Variants in OSBP2 observed in about 807,000 individuals in gnomAD.
OSBP2 encodes the protein oxysterol-binding protein 2.
Under a neutral mutation model 96.0 loss-of-function variants are expected in OSBP2, and 66 were observed. That is an observed-to-expected ratio of 0.69 (90% CI 0.56 to 0.84). The LOEUF (loss-of-function observed/expected upper bound fraction) is 0.84, where lower values mean the gene tolerates loss of function less well. Among genes scored for constraint, OSBP2 ranks in the 40% least tolerant of loss-of-function variants. The pLI is 0.00. For missense variants in OSBP2, 1,038 were observed against 1,222.7 expected, an observed-to-expected ratio of 0.85 and a Z score of 2.25; for synonymous variants, 525 against 520.9, an observed-to-expected ratio of 1.01 and a Z score of -0.11.
At chr22:30,846,393 C>T (rs1460848351) in intron 2 of OSBP2, among the ~76,000 whole-genome samples, 1 of 152,120 alleles carries the variant, frequency 6.6e-6, no homozygotes, top group Admixed American at 6.5e-5. Flanking sequence ...TCAAGTGATC[C>T]ACCCGCCTTG....
chr22:30,801,326 TTTTG>T (rs2090848433), intron 2 of OSBP2, among the ~76,000 whole-genome samples: 1 of 152,078 alleles, frequency 6.6e-6, no homozygotes, highest in South Asian at 2.1e-4. Context: ...GAGGTAGTGG[TTTTG>T]TTTATTTTTT....
intron 2 of OSBP2, among the ~76,000 whole-genome samples, chr22:30,743,832 G>A (rs2089969315): frequency 1.3e-5 from 2 of 152,162 alleles, no homozygotes; most frequent in South Asian, 2.1e-4. Flanking sequence ...GGCAGGGTGC[G>A]GAGGTGAGGG....
intron 2 of OSBP2, among the ~76,000 whole-genome samples, chr22:30,799,112 C>A (rs947989737): frequency 7.4e-6 from 1 of 135,410 alleles, no homozygotes; most frequent in African/African-American, 2.8e-5. Flanking sequence ...TTCCTTCCTT[C>A]CTTTCTTTCT....
Position 30,694,877 on chromosome 22 carries a change from G to T in OSBP2, c.-33G>T. ...CCCCGGCCTGCCCCCCGCCCCCACT[G>T]GCCGCTCGGCCGCGCGCGGGTCGGC... On this transcript the variant is annotated 5_prime_UTR_variant, in exon 1 of 14. Coordinates refer to ENST00000332585, the MANE Select transcript of OSBP2 (RefSeq NM_030758.4). 1 of 1,095,328 alleles carries T rather than the reference G, an allele frequency of 9.1e-7. No individual in the cohort carries two copies. The highest frequency in any genetic ancestry group is 3.2e-5 in the South Asian group (1 of 31,208). 67.9% of individuals were successfully genotyped at this position (1,095,328 alleles called of 1,614,324 possible). A position where few individuals can be genotyped will look rare whatever the true frequency, so the allele number is the denominator to read the frequency against.
chr22:30,902,486 A>G (rs2040235663), intron 12 of OSBP2: 3 of 1,578,218 alleles, frequency 1.9e-6, no homozygotes, highest in African/African-American at 2.7e-5. Context: ...GGATTCAGAA[A>G]AGGTGTACCA....
At position 30,842,323 on chromosome 22, in the gene OSBP2, A is replaced by G. The variant is rs559170958; in HGVS notation, c.854-28106A>G. 2.0e-5 allele frequency among the ~76,000 whole-genome samples: 3 copies of G among 152,030 alleles called. No homozygotes were observed. The East Asian group carries it at 5.8e-4, about 29-fold the overall frequency. On this transcript the variant is annotated intron_variant, in intron 2 of 13. Transcript: ENST00000332585. ...AAAAACAAAACAAAACAAACCCTCT[A>G]TTACTAACAACTTAACAATCATTGA...
intron 2 of OSBP2, among the ~76,000 whole-genome samples, chr22:30,832,766 A>G (rs962945899): frequency 8.5e-5 from 13 of 152,284 alleles, no homozygotes; most frequent in African/African-American, 2.4e-4. Flanking sequence ...GGCATTCTCA[A>G]TGGACTAGAT....
chr22:30,898,974 G>A (rs1569174359), intron 12 of OSBP2, among the ~76,000 whole-genome samples: 1 of 151,722 alleles, frequency 6.6e-6, no homozygotes. Flanking sequence ...CTACTGACAA[G>A]ACTGATCAAG....
At chr22:30,779,138 G>A (rs1010620056) in intron 2 of OSBP2, among the ~76,000 whole-genome samples, 2 of 151,508 alleles carry the variant, frequency 1.3e-5, no homozygotes, top group Non-Finnish European at 2.9e-5. Flanking sequence ...CTGGAGTGAA[G>A]TGGCCTGATC....
At chr22:30,808,055 G>A (rs529559755) in intron 2 of OSBP2, among the ~76,000 whole-genome samples, 1 of 152,180 alleles carries the variant, frequency 6.6e-6, no homozygotes, top group African/African-American at 2.4e-5. Context: ...CTCCCAAAGT[G>A]CGGGGATTAC....
chr22:30,818,113 G>A (rs1569136238), intron 2 of OSBP2, among the ~76,000 whole-genome samples: 2 of 152,102 alleles, frequency 1.3e-5, no homozygotes, highest in African/African-American at 4.8e-5. Context: ...GCCCAAGCTG[G>A]CCTCAAACTC....
chr22:30,842,853 C>T (rs2038782498), intron 2 of OSBP2: 1 of 152,634 alleles, frequency 6.6e-6, no homozygotes, highest in African/African-American at 2.4e-5. Flanking sequence ...AATCTCGGCT[C>T]ACTGCAACCT....
intron 2 of OSBP2, among the ~76,000 whole-genome samples, chr22:30,869,910 G>T (rs941430703): frequency 1.3e-5 from 2 of 152,192 alleles, no homozygotes; most frequent in Non-Finnish European, 2.9e-5. Flanking sequence ...CAGGGAACAG[G>T]GGACAGATTG....
At chr22:30,821,228 G>A (rs2038264695) in intron 2 of OSBP2, among the ~76,000 whole-genome samples, 1 of 152,218 alleles carries the variant, frequency 6.6e-6, no homozygotes, top group Non-Finnish European at 1.5e-5. Context: ...AGACCTCTGA[G>A]TGGGAGAGTG....
Position 30,855,749 on chromosome 22 carries a change from T to C in OSBP2, c.854-14680T>C, listed in dbSNP as rs142131117. 3.3e-3 allele frequency among the ~76,000 whole-genome samples: 508 copies of C among 152,250 alleles called. 1 individual carries two copies. The highest frequency in any genetic ancestry group is 5.5e-3 in the Non-Finnish European group (372 of 68,012). On this transcript the variant is annotated intron_variant, in intron 2 of 13. Transcript: ENST00000332585. The stretch of plus-strand genomic sequence containing the variant: ...AAGTTCGCAGCCACAGGGTGACCTA[T>C]TTAAGAGGAGCCCCATCCAGGCCAT...
intron 2 of OSBP2, among the ~76,000 whole-genome samples, chr22:30,859,260 T>G (rs546389421): frequency 6.6e-6 from 1 of 152,232 alleles, no homozygotes; most frequent in Admixed American, 6.5e-5. Context: ...TCAACAGTCC[T>G]GGCACCGTCC....
rs769866692 is a variant in OSBP2, at chr22:30,905,834, C to T, written c.2376-3C>T. On this transcript the variant is annotated splice_polypyrimidine_tract_variant and splice_region_variant and intron_variant, in intron 12 of 13. Transcript: ENST00000332585. ...ACCGCCACCGCCACCACCACCGCCACAGGGAGAACGCGGAGAACATGTACT... is the reference window on the plus strand; with the variant it reads ...ACCGCCACCGCCACCACCACCGCCATAGGGAGAACGCGGAGAACATGTACT... 5 of 1,612,834 alleles carry T rather than the reference C, an allele frequency of 3.1e-6. No individual in the cohort carries two copies. Among genetic ancestry groups the T allele is most frequent in the Admixed American group, 3.3e-5 (2 of 59,960 alleles).
In OSBP2 at chr22:30,899,072, TAG is replaced by T. The variant is rs1320948021; in HGVS notation, c.2375+5073_2375+5074del. ...AACTTAGATTGGAGGGACAAATTCTTAGAAAAATATAACAAGAACTAACTCTA... is the reference window on the plus strand; with the variant it reads ...AACTTAGATTGGAGGGACAAATTCTTAAAAATATAACAAGAACTAACTCTA... On this transcript the variant is annotated intron_variant, in intron 12 of 13. Coordinates refer to ENST00000332585, the MANE Select transcript of OSBP2 (RefSeq NM_030758.4). Among the ~76,000 whole-genome samples the T allele has an allele frequency of 9.2e-5, 14 of 151,960 alleles. No individual in the cohort carries two copies. The South Asian group carries it at 2.9e-3, about 32-fold the overall frequency.
At chr22:30,764,914 C>T (rs917827460) in intron 2 of OSBP2, among the ~76,000 whole-genome samples, 1 of 152,100 alleles carries the variant, frequency 6.6e-6, no homozygotes, top group African/African-American at 2.4e-5. Context: ...AACTGAATAA[C>T]TTCTCTCTTA....
Sources: gnomAD v4.1 joint callset for allele counts (sites outside exome capture counted in the v4.1 genomes callset) on GRCh38, gnomAD v4.1.1 for gene constraint, MANE v1.5 for transcripts, NCBI Gene and HGNC (gene_info 2026-07-23, HGNC 2026-07-21) for gene names.